Variants in AK7 observed in about 807,000 individuals in gnomAD.
The protein encoded by AK7 is ATP-AMP transphosphorylase 7.
Under a neutral mutation model 96.6 loss-of-function variants are expected in AK7, and 78 were observed. The ratio of observed to expected loss-of-function variants is 0.81; its 90% CI spans 0.67 to 0.97. The LOEUF is 0.97. Among genes scored for constraint, AK7 ranks in the 50% least tolerant of loss-of-function variants. The probability of loss-of-function intolerance (pLI) is 0.00; values close to 1 mark genes in which losing one functional copy is unlikely to be tolerated. For missense variants in AK7, 855 were observed against 887.9 expected (o/e 0.96, Z 0.47); for synonymous variants, 302 against 317.2 (o/e 0.95, Z 0.51).
In AK7 at chr14:96,442,719, C is replaced by G; in HGVS notation, c.691-11C>G. The G allele has an allele frequency of 2.5e-6, 4 of 1,613,140 alleles. No homozygotes were observed. The highest frequency in any genetic ancestry group is 3.4e-6 in the Non-Finnish European group (4 of 1,179,070). ...AACTGGGGGACATGATTTTGCTTTTCTTCCTTTCAGATGGCTTGGTTGGGC... is the reference window on the plus strand; with the variant it reads ...AACTGGGGGACATGATTTTGCTTTTGTTCCTTTCAGATGGCTTGGTTGGGC... On this transcript the variant is annotated splice_polypyrimidine_tract_variant and intron_variant, in intron 6 of 17. Transcript: ENST00000267584.
intron 13 of AK7, 47 bp downstream of exon 13, chr14:96,471,653 C>A (rs1483524667): frequency 1.4e-6 from 2 of 1,407,224 alleles, no homozygotes; most frequent in African/African-American, 1.5e-5. Context: ...AGATAAGTTG[C>A]AACTTTATTG....
chr14:96,471,845 C>A (rs1258476953), intron 13 of AK7, among the ~76,000 whole-genome samples: 1 of 151,278 alleles, frequency 6.6e-6, no homozygotes, highest in Non-Finnish European at 1.5e-5. Flanking sequence ...TATTGTGGCA[C>A]AAATACTTAA....
chr14:96,443,505 CTAGTAAAT>C (rs1266402229), intron 7 of AK7, among the ~76,000 whole-genome samples: 1 of 152,156 alleles, frequency 6.6e-6, no homozygotes. Flanking sequence ...CCACTGGCCA[CTAGTAAAT>C]TAGTCACAAT....
At chr14:96,404,911 C>T in intron 3 of AK7, 46 bp downstream of exon 3, 1 of 1,382,276 alleles carries the variant, frequency 7.2e-7, no homozygotes, top group Non-Finnish European at 1.0e-6. Flanking sequence ...TATTGTAGTG[C>T]TGCCTACTTC....
At chr14:96,446,014 T>C (rs1893211750) in intron 7 of AK7, among the ~76,000 whole-genome samples, 1 of 152,206 alleles carries the variant, frequency 6.6e-6, no homozygotes, top group Non-Finnish European at 1.5e-5. Context: ...CCTTGGCAAC[T>C]GGGATAGGAA....
chr14:96,415,012 C>T (rs1891248535), intron 4 of AK7, among the ~76,000 whole-genome samples: 1 of 151,922 alleles, frequency 6.6e-6, no homozygotes, highest in Non-Finnish European at 1.5e-5. Context: ...GCCTTGGCCT[C>T]CCAAAGTACT....
intron 5 of AK7, among the ~76,000 whole-genome samples, chr14:96,436,139 G>C (rs1318929488): frequency 6.6e-6 from 1 of 152,182 alleles, no homozygotes; most frequent in Non-Finnish European, 1.5e-5. Flanking sequence ...AACTGTCTTG[G>C]ACTGTGGGAA....
chr14:96,488,256 G>T, intron 17 of AK7, 49 bp from the exon 18 acceptor site: 3 of 1,515,564 alleles, frequency 2.0e-6, no homozygotes, highest in South Asian at 2.3e-5. Context: ...ACAAATACAT[G>T]ACTAATAATA....
chr14:96,419,432 C>A (rs999228250), intron 4 of AK7, among the ~76,000 whole-genome samples: 19 of 152,086 alleles, frequency 1.2e-4, no homozygotes, highest in African/African-American at 4.3e-4. Flanking sequence ...GAGGTGGAGA[C>A]CAGCCTGGGT....
intron 17 of AK7, 21 bp from the exon 18 acceptor site, chr14:96,488,284 T>C (rs890309023): frequency 1.2e-6 from 2 of 1,603,196 alleles, no homozygotes; most frequent in African/African-American, 2.7e-5. Context: ...AACTGTTGAC[T>C]TGTCTTTTTT....
chr14:96,429,230 T>A (rs1422964265), intron 5 of AK7, among the ~76,000 whole-genome samples: 1 of 152,158 alleles, frequency 6.6e-6, no homozygotes, highest in African/African-American at 2.4e-5. Flanking sequence ...TCCTTTCCCC[T>A]TTTCTTGTTT....
At chr14:96,428,009 A>G (rs544809807) in intron 5 of AK7, among the ~76,000 whole-genome samples, 2 of 152,238 alleles carry the variant, frequency 1.3e-5, no homozygotes, top group Admixed American at 1.3e-4. Context: ...ACATGTGCAC[A>G]ATGGGCAGGT....
intron 6 of AK7, among the ~76,000 whole-genome samples, chr14:96,442,484 C>T (rs184769808): frequency 2.0e-5 from 3 of 152,318 alleles, no homozygotes; most frequent in African/African-American, 7.2e-5. Context: ...GAATTTGATT[C>T]AGTCCCAGGG....
intron 5 of AK7, among the ~76,000 whole-genome samples, chr14:96,436,371 G>C (rs375515871): frequency 6.6e-6 from 1 of 152,134 alleles, no homozygotes; most frequent in Non-Finnish European, 1.5e-5. Context: ...TAGGCCGGGC[G>C]CAGTGGCTTA....
intron 15 of AK7, among the ~76,000 whole-genome samples, chr14:96,480,092 T>C (rs1353657324): frequency 6.6e-6 from 1 of 152,212 alleles, no homozygotes; most frequent in Non-Finnish European, 1.5e-5. Context: ...AGTGGTCATT[T>C]TGTTATTCCT....
rs1261000982 is a variant in AK7 at position 96,489,398 on chromosome 14, A to G, written c.*1055A>G. On this transcript the variant is annotated 3_prime_UTR_variant, in exon 18 of 18. Transcript: ENST00000267584. Reference sequence around the variant, plus strand: ...GCTTTCTGTCTCTATGGATTTACCTATTATAAATAAAACCATATAATGGGT... The same window carrying G: ...GCTTTCTGTCTCTATGGATTTACCTGTTATAAATAAAACCATATAATGGGT... 6.6e-6 allele frequency: 1 copy of G among 152,200 alleles called. No homozygotes were observed. Among genetic ancestry groups the G allele is most frequent in the African/African-American group, 2.4e-5 (1 of 41,450 alleles). 9.4% of individuals were successfully genotyped at this position (152,200 alleles called of 1,614,324 possible). A position where few individuals can be genotyped will look rare whatever the true frequency, so the allele number is the denominator to read the frequency against.
chr14:96,421,005 T>C (rs1891657292), intron 5 of AK7, 73 bp downstream of exon 5: 1 of 1,055,032 alleles, frequency 9.5e-7, no homozygotes. Flanking sequence ...TTCCTGAGAC[T>C]TACCCCACGG....
chr14:96,473,505 C>T (rs1353947638), intron 14 of AK7, among the ~76,000 whole-genome samples: 4 of 151,250 alleles, frequency 2.6e-5, no homozygotes, highest in African/African-American at 9.7e-5. Context: ...AGCAGGGCTA[C>T]ACCATAGGCA....
In AK7 at chr14:96,478,536, G is replaced by A. The variant is rs777585613; in HGVS notation, c.1627G>A (p.Val543Met). ...TGTGATAAACCTTCCTGAGAGCATC[G>A]TGGCGGGGACCCACTACAGCCAAGA... Reference protein sequence around the residue: ...ERVINLPESIVAGTHYSQDRF... With the variant: ...ERVINLPESIMAGTHYSQDRF... The change falls in exon 15 of 18, where the codon GTG becomes ATG. Residue 543 changes from valine (V) to methionine (M), a missense_variant. Transcript: ENST00000267584. 1.4e-5 allele frequency: 22 copies of A among 1,614,062 alleles called. No individual in the cohort carries two copies. The highest frequency in any genetic ancestry group is 2.2e-5 in the East Asian group (1 of 44,900).
Sources: gnomAD v4.1 joint callset for allele counts (sites outside exome capture counted in the v4.1 genomes callset) on GRCh38, gnomAD v4.1.1 for gene constraint, MANE v1.5 for transcripts, NCBI Gene and HGNC (gene_info 2026-07-23, HGNC 2026-07-21) for gene names.